Variants in AHR observed in about 807,000 individuals in gnomAD.
AHR encodes aryl hydrocarbon receptor, also known as AH-receptor.
AHR carries 40 observed loss-of-function variants against 86.8 expected under a neutral mutation model. The ratio of observed to expected loss-of-function variants is 0.46; its 90% CI spans 0.36 to 0.60. AHR has a LOEUF of 0.60. AHR is among the 20% of genes least tolerant of loss of function. AHR has a pLI of 0.00. For missense variants in AHR, 1,001 were observed against 1,011.6 expected, an observed-to-expected ratio of 0.99 and a Z score of 0.14; for synonymous variants, 398 against 354.9, an observed-to-expected ratio of 1.12 and a Z score of -1.37.
chr7:17,336,954 A>AT (rs1782360256), intron 9 of AHR, among the ~76,000 whole-genome samples: 2 of 151,426 alleles, frequency 1.3e-5, no homozygotes, highest in Non-Finnish European at 1.5e-5. Flanking sequence ...ATAATTTATC[A>AT]TTTTTTGCAA....
At chr7:17,326,997 G>A (rs935474389) in intron 3 of AHR, among the ~76,000 whole-genome samples, 1 of 151,982 alleles carries the variant, frequency 6.6e-6, no homozygotes, top group Non-Finnish European at 1.5e-5. Flanking sequence ...GTTGATATTG[G>A]ACTTGAATTA....
intron 3 of AHR, among the ~76,000 whole-genome samples, chr7:17,323,631 AC>A (rs1487834337): frequency 6.6e-6 from 1 of 152,194 alleles, no homozygotes; most frequent in East Asian, 1.9e-4. Flanking sequence ...CACCATTGTT[AC>A]AAAAAGTAAC....
At chr7:17,329,641 C>G (rs1782265044) in intron 4 of AHR, among the ~76,000 whole-genome samples, 5 of 151,814 alleles carry the variant, frequency 3.3e-5, no homozygotes, top group Admixed American at 1.3e-4. Context: ...TAAAAACTAA[C>G]AAATGAATAT....
chr7:17,344,426 T>C lies in AHR; in HGVS notation c.*1362T>C, dbSNP rs1782460072. On this transcript the variant is annotated 3_prime_UTR_variant, in exon 11 of 11. Coordinates refer to ENST00000242057, the MANE Select transcript of AHR (RefSeq NM_001621.5). ...GTTGGGGCTTTACATACTTTATCAATGTGTCTTTCTAAGAAATCAAGTAAT... is the reference window on the plus strand; with the variant it reads ...GTTGGGGCTTTACATACTTTATCAACGTGTCTTTCTAAGAAATCAAGTAAT... The C allele has an allele frequency of 6.5e-6, 1 of 152,752 alleles. No homozygotes were observed. Among genetic ancestry groups the C allele is most frequent in the African/African-American group, 2.4e-5 (1 of 41,454 alleles). The allele number at this position is 152,752 out of a possible 1,614,324, so 9.5% of individuals were successfully genotyped here.
intron 2 of AHR, among the ~76,000 whole-genome samples, chr7:17,317,167 T>G (rs1782124264): frequency 6.6e-6 from 1 of 150,894 alleles, no homozygotes; most frequent in African/African-American, 2.4e-5. Context: ...GACCTGGTAT[T>G]AATATCAATT....
intron 7 of AHR, 42 bp downstream of exon 7, chr7:17,334,156 T>C: frequency 1.3e-6 from 2 of 1,507,052 alleles, no homozygotes; most frequent in African/African-American, 1.4e-5. Context: ...GGATGTACAT[T>C]ATGTTTCAGT....
chr7:17,333,011 C>T (rs1184391249), intron 6 of AHR, among the ~76,000 whole-genome samples: 1 of 151,792 alleles, frequency 6.6e-6, no homozygotes, highest in Non-Finnish European at 1.5e-5. Flanking sequence ...AAATACTTAC[C>T]ATCATGTTAC....
rs187390752 is a variant in AHR at position 17,312,565 on chromosome 7, G to A, written c.253+2442G>A. Among the ~76,000 whole-genome samples, 383 of 152,224 alleles carry A rather than the reference G, an allele frequency of 2.5e-3. 2 individuals carry two copies. Among genetic ancestry groups the A allele is most frequent in the Non-Finnish European group, 3.2e-3 (221 of 68,004 alleles). ...GATTAGATAAGTGTCCTATTATTCA[G>A]TGCTTCAAGTAAAGGAGATCTCACA... On this transcript the variant is annotated intron_variant, in intron 2 of 10. Coordinates refer to ENST00000242057, the MANE Select transcript of AHR (RefSeq NM_001621.5).
At chr7:17,309,671 T>C (rs1482718245) in intron 1 of AHR, among the ~76,000 whole-genome samples, 1 of 152,250 alleles carries the variant, frequency 6.6e-6, no homozygotes. Flanking sequence ...TGGGAATCAC[T>C]GTGCTACAAA....
intron 2 of AHR, among the ~76,000 whole-genome samples, chr7:17,311,020 C>T (rs969016249): frequency 4.6e-5 from 7 of 152,080 alleles, no homozygotes; most frequent in Non-Finnish European, 1.0e-4. Flanking sequence ...GTTTTCTCAG[C>T]AGTAAAGGTT....
chr7:17,317,807 A>C (rs1192905069), intron 2 of AHR, among the ~76,000 whole-genome samples: 2 of 152,150 alleles, frequency 1.3e-5, no homozygotes, highest in African/African-American at 4.8e-5. Context: ...ACATTATGTT[A>C]CTTAAAATGC....
intron 9 of AHR, 69 bp from the exon 10 acceptor site, chr7:17,338,917 T>G (rs1782385005): frequency 7.1e-7 from 1 of 1,400,992 alleles, no homozygotes; most frequent in African/African-American, 1.5e-5. Flanking sequence ...GTTTTTCTTT[T>G]TTAAATTATT....
In AHR at chr7:17,343,437, A is replaced by T; in HGVS notation, c.*373A>T. The T allele has an allele frequency of 5.3e-6, 1 of 187,806 alleles. No individual in the cohort carries two copies. The highest frequency in any genetic ancestry group is 1.1e-5 in the Non-Finnish European group (1 of 92,412). The allele number at this position is 187,806 out of a possible 1,614,324, so 11.6% of individuals were successfully genotyped here. On this transcript the variant is annotated 3_prime_UTR_variant, in exon 11 of 11. Coordinates refer to ENST00000242057, the MANE Select transcript of AHR (RefSeq NM_001621.5). ...GTCACAGTAAAAATAAAATACTTTG[A>T]GTTTTGAGCTACTGGATTCTTATTA...
At chr7:17,331,304 T>C (rs1205388149) in intron 6 of AHR, among the ~76,000 whole-genome samples, 4 of 151,972 alleles carry the variant, frequency 2.6e-5, no homozygotes. Flanking sequence ...CATTAAGTTA[T>C]AGAAAAAACA....
Position 17,332,142 on chromosome 7 carries a change from G to T in AHR, c.705+1256G>T, listed in dbSNP as rs1399851734. Among the ~76,000 whole-genome samples, 4 of 151,982 alleles carry T rather than the reference G, an allele frequency of 2.6e-5. No individual in the cohort carries two copies. In the East Asian group the frequency reaches 7.7e-4, roughly 29 times the overall value. On this transcript the variant is annotated intron_variant, in intron 6 of 10. Transcript: ENST00000242057. ...GATGTCATAGCATTGCTCACATGTT[G>T]ATGGTGATGCTGATGGAAGCAAACC... is the stretch of plus-strand genomic sequence containing the variant.
chr7:17,318,639 G>A (rs1014138359), intron 2 of AHR, among the ~76,000 whole-genome samples: 1 of 152,016 alleles, frequency 6.6e-6, no homozygotes, highest in Non-Finnish European at 1.5e-5. Flanking sequence ...CTTCCCAGCT[G>A]GTGACCTATT....
At chr7:17,309,001 A>G (rs1782034457) in intron 1 of AHR, among the ~76,000 whole-genome samples, 1 of 152,212 alleles carries the variant, frequency 6.6e-6, no homozygotes, top group Non-Finnish European at 1.5e-5. Context: ...TATAAGGTAT[A>G]AATTACTTTA....
chr7:17,340,133 T>C lies in AHR; in HGVS notation c.2308T>C (p.Ser770Pro). The change falls in exon 10 of 11, where the codon TCG becomes CCG. Residue 770 changes from serine (S) to proline (P), a missense_variant. Ser to Pro is a moderately conservative substitution (Grantham distance 74). Coordinates refer to ENST00000242057, the MANE Select transcript of AHR (RefSeq NM_001621.5). ...TPQTCYAGAV[S>P]MYQCQPEPQH... is the part of the protein sequence containing the mutation. Reference sequence around the variant, plus strand: ...TCAGACATGTTATGCTGGGGCCGTGTCGATGTATCAGTGCCAGCCAGAACC... The same window carrying C: ...TCAGACATGTTATGCTGGGGCCGTGCCGATGTATCAGTGCCAGCCAGAACC... The C allele has an allele frequency of 1.2e-6, 2 of 1,614,216 alleles. No homozygotes were observed. Among genetic ancestry groups the C allele is most frequent in the Non-Finnish European group, 1.7e-6 (2 of 1,180,042 alleles).
intron 10 of AHR, among the ~76,000 whole-genome samples, chr7:17,340,794 ACCTCC>A (rs1406194602): frequency 3.3e-5 from 5 of 151,522 alleles, no homozygotes; most frequent in Non-Finnish European, 5.9e-5. Flanking sequence ...CCTCCACATT[ACCTCC>A]CCTATCCTCA....
Sources: gnomAD v4.1 joint callset for allele counts (sites outside exome capture counted in the v4.1 genomes callset) on GRCh38, gnomAD v4.1.1 for gene constraint, MANE v1.5 for transcripts, NCBI Gene and HGNC (gene_info 2026-07-23, HGNC 2026-07-21) for gene names.